HNF1A: variants seen among roughly 807,000 people sequenced by gnomAD.
The protein encoded by HNF1A is hepatocyte nuclear factor 1-alpha.
HNF1A carries 21 observed loss-of-function variants against 62.2 expected under a neutral mutation model. The ratio of observed to expected loss-of-function variants is 0.34; its 90% CI spans 0.24 to 0.49. The LOEUF (loss-of-function observed/expected upper bound fraction) is 0.49, where lower values mean the gene tolerates loss of function less well. Among genes scored for constraint, HNF1A ranks in the 20% least tolerant of loss-of-function variants. HNF1A has a pLI of 0.99. For missense variants in HNF1A, 687 were observed against 832.3 expected (o/e 0.83, Z 2.15); for synonymous variants, 374 against 366.8 (o/e 1.02, Z -0.22).
chr12:120,992,959 G>A (rs1036115028), intron 2 of HNF1A, among the ~76,000 whole-genome samples: 3 of 152,130 alleles, frequency 2.0e-5, no homozygotes, highest in Non-Finnish European at 4.4e-5. Flanking sequence ...TCCTTTGGTG[G>A]CCTGCTCAGG....
At chr12:120,991,053 G>A (rs1286984151) in intron 2 of HNF1A, among the ~76,000 whole-genome samples, 1 of 152,100 alleles carries the variant, frequency 6.6e-6, no homozygotes, top group Non-Finnish European at 1.5e-5. Flanking sequence ...TGTTTAACTG[G>A]CCACCTACTG....
intron 2 of HNF1A, among the ~76,000 whole-genome samples, 189 bp downstream of exon 2, chr12:120,989,221 GT>G (rs1702564517): frequency 6.6e-6 from 1 of 152,148 alleles, no homozygotes; most frequent in Non-Finnish European, 1.5e-5. Flanking sequence ...AGTAGACTTG[GT>G]CCTGAACATC....
chr12:120,984,184 A>T lies in HNF1A; in HGVS notation c.327-4649A>T, dbSNP rs1876397212. 2.6e-5 allele frequency among the ~76,000 whole-genome samples: 4 copies of T among 152,140 alleles called. No homozygotes were observed. In the South Asian group the frequency reaches 8.3e-4, roughly 32 times the overall value. ...CTACTAGGAATTGTTTAAAAGTGGA[A>T]CGTTCGTATCAGCTCACTTTAACAG... On this transcript the variant is annotated intron_variant, in intron 1 of 9. Coordinates refer to ENST00000257555, the MANE Select transcript of HNF1A (RefSeq NM_000545.8).
rs2135846241 is a variant in HNF1A at position 120,996,679 on chromosome 12, C to A, written c.1246C>A (p.Pro416Thr). 2 of 1,614,114 alleles carry A rather than the reference C, an allele frequency of 1.2e-6. No individual in the cohort carries two copies. The highest frequency in any genetic ancestry group is 1.7e-6 in the Non-Finnish European group (2 of 1,180,024). The change falls in exon 6 of 10, where the codon CCT becomes ACT. Residue 416 changes from proline to threonine, a missense_variant. By Grantham distance (38) the Pro-to-Thr change is conservative. Around this residue, in one of 5 missense-constraint regions of HNF1A, gnomAD observed 408 missense variants for 455.3 expected, o/e 0.90. Coordinates refer to ENST00000257555, the MANE Select transcript of HNF1A (RefSeq NM_000545.8). This position sits in a 1 kb window ranked among gnomAD's most constrained non-coding sequence, Gnocchi z 4.5. Reference sequence around the variant, plus strand: ...ACTTCCTGGGGTCATGACCATCGGGCCTGGTGAGCCTGCCTCCCTGGGTCC... The same window carrying A: ...ACTTCCTGGGGTCATGACCATCGGGACTGGTGAGCCTGCCTCCCTGGGTCC... ...ASLPGVMTIG[P>T]GEPASLGPTF...
intron 2 of HNF1A, 124 bp from the exon 3 acceptor site, chr12:120,993,396 C>CAT (rs1876924150): frequency 1.1e-6 from 1 of 900,312 alleles, no homozygotes; most frequent in Non-Finnish European, 1.8e-6. Flanking sequence ...TTTCTAAGTT[C>CAT]TAGCTGTAAG....
intron 4 of HNF1A, among the ~76,000 whole-genome samples, chr12:120,995,343 C>T (rs1455585839): frequency 6.6e-6 from 1 of 151,974 alleles, no homozygotes; most frequent in African/African-American, 2.4e-5. Context: ...ATCCACTCCA[C>T]TCCACCCATT....
intron 1 of HNF1A, among the ~76,000 whole-genome samples, chr12:120,984,083 G>A (rs1876391864): frequency 6.6e-6 from 1 of 152,144 alleles, no homozygotes; most frequent in African/African-American, 2.4e-5. Context: ...AAAAGGGAAA[G>A]ACATGCCCTC....
At position 120,999,377 on chromosome 12, in the gene HNF1A, G is replaced by A. The variant is rs199511735; in HGVS notation, c.1611G>A (p.Thr537=). The change falls in exon 8 of 10, where the codon ACG becomes ACA. Residue 537 remains threonine (T), a synonymous_variant. Coordinates refer to ENST00000257555, the MANE Select transcript of HNF1A (RefSeq NM_000545.8). ...ACCTGAGCGCCCTGGCCAGCCTCAC[G>A]CCCACCAAGCAGGTAAGGTCCAGGC... ...TTNLSALASL[T]PTKQVFTSDT... is the part of the protein sequence containing the mutation. 3.8e-5 allele frequency: 61 copies of A among 1,613,918 alleles called. No individual in the cohort carries two copies. Among genetic ancestry groups the A allele is most frequent in the Non-Finnish European group, 4.7e-5 (55 of 1,179,978 alleles).
intron 7 of HNF1A, chr12:120,997,961 T>G: frequency 9.8e-6 from 6 of 612,894 alleles, no homozygotes; most frequent in Non-Finnish European, 5.9e-6. Context: ...CCATATGAAT[T>G]TCTAAAATCT....
chr12:120,996,926 A>C lies in HNF1A; in HGVS notation c.1309+184A>C. 2 of 1,499,248 alleles carry C rather than the reference A, an allele frequency of 1.3e-6. No homozygotes were observed. The highest frequency in any genetic ancestry group is 2.5e-5 in the East Asian group (1 of 40,148). The allele number at this position is 1,499,248 out of a possible 1,614,324, so 92.9% of individuals were successfully genotyped here. ...ACCTGGGTGAACCAAACAGACCAAA[A>C]TCTCAGCAACTCAAGCAGGGAGGCA... On this transcript the variant is annotated intron_variant, in intron 6 of 9. Transcript: ENST00000257555. This position sits in a 1 kb window ranked among gnomAD's most constrained non-coding sequence, Gnocchi z 4.5.
chr12:120,993,422 G>A lies in HNF1A; in HGVS notation c.527-98G>A, dbSNP rs1169300. On this transcript the variant is annotated intron_variant, in intron 2 of 9. Coordinates refer to ENST00000257555, the MANE Select transcript of HNF1A (RefSeq NM_000545.8). Reference sequence around the variant, plus strand: ...TAGCTGTAAGCTCCTCTGGTTCAGCGCCATGGCAATGAGAAAGAATCAAGG... The same window carrying A: ...TAGCTGTAAGCTCCTCTGGTTCAGCACCATGGCAATGAGAAAGAATCAAGG... The A allele has an allele frequency of 0.32, 394,418 of 1,215,012 alleles. 66,690 individuals are homozygous for A. Among genetic ancestry groups the A allele is most frequent in the East Asian group, 0.52 (21,762 of 41,660 alleles). 75.3% of individuals were successfully genotyped at this position (1,215,012 alleles called of 1,614,324 possible).
At chr12:120,998,510 C>T (rs990863169) in intron 7 of HNF1A, among the ~76,000 whole-genome samples, 11 of 152,140 alleles carry the variant, frequency 7.2e-5, no homozygotes, top group Non-Finnish European at 2.9e-5. Flanking sequence ...CTTTTGGTTT[C>T]AGACCTTTTT....
intron 8 of HNF1A, 34 bp from the exon 9 acceptor site, chr12:120,999,449 C>T (rs760760085): frequency 3.1e-6 from 5 of 1,612,848 alleles, no homozygotes; most frequent in Non-Finnish European, 3.4e-6. Context: ...ACCCCCACAT[C>T]CCCCGGGCTC....
At chr12:120,999,657 TA>T (rs779355112) in intron 9 of HNF1A, 30 bp downstream of exon 9, 2 of 1,598,370 alleles carry the variant, frequency 1.3e-6, no homozygotes. Flanking sequence ...CCCCCTCCCT[TA>T]CTGTCCCTGC....
At chr12:120,999,691 C>T (rs1158287613) in intron 9 of HNF1A, 64 bp downstream of exon 9, 1 of 1,554,322 alleles carries the variant, frequency 6.4e-7, no homozygotes, top group African/African-American at 1.4e-5. Context: ...TGGTCCCACC[C>T]CTTCTGTTGC....
At chr12:120,995,328 G>C (rs1877046672) in intron 4 of HNF1A, among the ~76,000 whole-genome samples, 1 of 143,322 alleles carries the variant, frequency 7.0e-6, no homozygotes, top group Non-Finnish European at 1.5e-5. Context: ...ATTCAACTCT[G>C]CTCCATCCAC....
chr12:120,999,423 T>C (rs779195313), intron 8 of HNF1A, 34 bp downstream of exon 8: 2 of 1,613,662 alleles, frequency 1.2e-6, no homozygotes, highest in Admixed American at 3.3e-5. Flanking sequence ...TCCCTTGGCC[T>C]GTGACAGAGC....
chr12:121,001,087 G>A lies in HNF1A; in HGVS notation c.1791G>A (p.Leu597=), dbSNP rs752983850. Residue 597 remains leucine (L), a synonymous_variant, in exon 10 of 10, where the codon CTG becomes CTA. Coordinates refer to ENST00000257555, the MANE Select transcript of HNF1A (RefSeq NM_000545.8). The stretch of plus-strand genomic sequence containing the variant: ...CAGTGTCCTCCAGCAGCCTGGTGCT[G>A]TACCAGAGCTCAGACTCCAGCAATG... The part of the protein sequence containing the change: ...SPTVSSSSLV[L]YQSSDSSNGQ... 4.3e-6 allele frequency: 7 copies of A among 1,613,576 alleles called. No individual in the cohort carries two copies. The highest frequency in any genetic ancestry group is 5.9e-6 in the Non-Finnish European group (7 of 1,179,896).
intron 1 of HNF1A, among the ~76,000 whole-genome samples, chr12:120,985,020 A>T (rs1876439484): frequency 6.8e-6 from 1 of 147,836 alleles, no homozygotes; most frequent in Non-Finnish European, 1.5e-5. Flanking sequence ...ATCACAGCTC[A>T]TTGCAGCCCC....
Sources: allele counts gnomAD v4.1 joint callset (sites outside exome capture counted in the v4.1 genomes callset), GRCh38; gene constraint gnomAD v4.1.1; regional missense constraint gnomAD v4.1.1; non-coding constraint Gnocchi (gnomAD v3.1); transcripts MANE v1.5; gene names NCBI Gene and HGNC (gene_info 2026-07-23, HGNC 2026-07-21).